NIPSNAP2: variants seen among roughly 807,000 people sequenced by gnomAD.
NIPSNAP2 encodes nipsnap homolog 2.
Under a neutral mutation model 48.4 loss-of-function variants are expected in NIPSNAP2, and 42 were observed. The ratio of observed to expected loss-of-function variants is 0.87; its 90% CI spans 0.68 to 1.12. The LOEUF is 1.12. NIPSNAP2 is among the 50% of genes most tolerant of loss of function. The pLI is 0.00. For missense variants in NIPSNAP2, 314 were observed against 347.3 expected (o/e 0.90, Z 0.76); for synonymous variants, 158 against 126.6 (o/e 1.25, Z -1.67).
In NIPSNAP2 at chr7:56,000,099, A is replaced by G. The variant is rs1365563780; in HGVS notation, c.*1027A>G. On this transcript the variant is annotated 3_prime_UTR_variant, in exon 10 of 10. Coordinates refer to ENST00000322090, the MANE Select transcript of NIPSNAP2 (RefSeq NM_001483.3). ...TATGTGTAAAGTGTGAATAAATCTC[A>G]TATCAAATGTCAAACTTTTACATGT... The G allele has an allele frequency of 6.6e-6, 1 of 152,650 alleles. No homozygotes were observed. The highest frequency in any genetic ancestry group is 6.5e-5 in the Admixed American group (1 of 15,274). The allele number at this position is 152,650 out of a possible 1,614,324, so 9.5% of individuals were successfully genotyped here. A position where few individuals can be genotyped will look rare whatever the true frequency, so the allele number is the denominator to read the frequency against.
At chr7:55,984,119 G>A (rs923114720) in intron 6 of NIPSNAP2, among the ~76,000 whole-genome samples, 6 of 144,998 alleles carry the variant, frequency 4.1e-5, no homozygotes, top group African/African-American at 1.5e-4. Flanking sequence ...TAAGAAGAAA[G>A]ACCTAAAGTG....
intron 3 of NIPSNAP2, 52 bp downstream of exon 3, chr7:55,978,447 T>C: frequency 6.8e-7 from 1 of 1,472,854 alleles, no homozygotes; most frequent in Non-Finnish European, 9.3e-7. Flanking sequence ...ACTTTATTTG[T>C]TAGTTAATTC....
At chr7:55,965,627 C>T (rs1484653385) in intron 1 of NIPSNAP2, among the ~76,000 whole-genome samples, 1 of 151,908 alleles carries the variant, frequency 6.6e-6, no homozygotes, top group Admixed American at 6.6e-5. Context: ...GTTGCCCCGG[C>T]TGAAGTGCAA....
At chr7:55,984,489 G>A (rs1359232886) in intron 6 of NIPSNAP2, among the ~76,000 whole-genome samples, 2 of 152,142 alleles carry the variant, frequency 1.3e-5, no homozygotes, top group Non-Finnish European at 2.9e-5. Context: ...AGTCAAGGCA[G>A]GTGGGTGACC....
At chr7:55,972,210 G>A (rs1787026619) in intron 1 of NIPSNAP2, among the ~76,000 whole-genome samples, 1 of 151,688 alleles carries the variant, frequency 6.6e-6, no homozygotes, top group South Asian at 2.1e-4. Context: ...GGAGGCTGAG[G>A]CAGGAGAATC....
intron 8 of NIPSNAP2, among the ~76,000 whole-genome samples, chr7:55,995,374 C>T (rs1243924362): frequency 6.6e-6 from 1 of 152,192 alleles, no homozygotes; most frequent in South Asian, 2.1e-4. Flanking sequence ...TGCACATACT[C>T]ACTGCCTGCC....
At chr7:55,985,007 A>T in intron 7 of NIPSNAP2, 129 bp downstream of exon 7, 2 of 659,818 alleles carry the variant, frequency 3.0e-6, no homozygotes, top group Non-Finnish European at 5.2e-6. Context: ...GTTTCGTTTG[A>T]TGTTTTTATT....
intron 8 of NIPSNAP2, among the ~76,000 whole-genome samples, chr7:55,996,559 G>T (rs557195056): frequency 7.9e-4 from 120 of 152,206 alleles, no homozygotes; most frequent in Non-Finnish European, 1.5e-3. Context: ...GGGCTTCACC[G>T]CTGGAACACG....
intron 3 of NIPSNAP2, chr7:55,979,784 A>G: frequency 2.2e-6 from 1 of 456,622 alleles, no homozygotes; most frequent in Non-Finnish European, 4.4e-6. Flanking sequence ...CAGAACATAA[A>G]GACTTAACTC....
intron 1 of NIPSNAP2, among the ~76,000 whole-genome samples, chr7:55,975,713 C>T (rs945029118): frequency 6.6e-6 from 1 of 152,064 alleles, no homozygotes; most frequent in African/African-American, 2.4e-5. Flanking sequence ...ATGAGGGAAA[C>T]GCTGTTTGTC....
chr7:55,983,940 A>G (rs1047175489), intron 6 of NIPSNAP2, 72 bp downstream of exon 6: 5 of 1,400,708 alleles, frequency 3.6e-6, no homozygotes, highest in East Asian at 2.3e-5. Context: ...AAGGCTGACA[A>G]CAGAACTTGT....
Position 55,999,719 on chromosome 7 carries a change from T to G in NIPSNAP2, c.*647T>G, listed in dbSNP as rs564709153. The G allele has an allele frequency of 6.6e-6, 1 of 152,456 alleles. No homozygotes were observed. The highest frequency in any genetic ancestry group is 2.4e-5 in the African/African-American group (1 of 41,600). 9.4% of individuals were successfully genotyped at this position (152,456 alleles called of 1,614,324 possible). A position where few individuals can be genotyped will look rare whatever the true frequency, so the allele number is the denominator to read the frequency against. ...CAATGTGAGACACAAAAACAATGGC[T>G]TGAAACTTGTGTATCATATGTGATT... On this transcript the variant is annotated 3_prime_UTR_variant, in exon 10 of 10. Transcript: ENST00000322090.
At chr7:55,974,262 A>G (rs1005940247) in intron 1 of NIPSNAP2, among the ~76,000 whole-genome samples, 1 of 83,024 alleles carries the variant, frequency 1.2e-5, no homozygotes, top group Admixed American at 1.2e-4. Flanking sequence ...TTTAAGCAAA[A>G]AAAAAGAAAG....
intron 1 of NIPSNAP2, among the ~76,000 whole-genome samples, chr7:55,972,181 C>T (rs899651393): frequency 4.6e-5 from 7 of 151,686 alleles, no homozygotes; most frequent in African/African-American, 1.5e-4. Flanking sequence ...TGGTGGGTGC[C>T]GCTAGTCTCA....
intron 1 of NIPSNAP2, among the ~76,000 whole-genome samples, chr7:55,971,378 C>T (rs1187585082): frequency 1.3e-5 from 2 of 152,172 alleles, no homozygotes; most frequent in Admixed American, 6.5e-5. Flanking sequence ...TTTAGTCTCA[C>T]CCCCTGCTCT....
At chr7:55,969,868 A>G (rs1003210641) in intron 1 of NIPSNAP2, among the ~76,000 whole-genome samples, 6 of 151,716 alleles carry the variant, frequency 4.0e-5, no homozygotes. Flanking sequence ...CTGTAGTCCC[A>G]GCTACTCAGG....
chr7:55,998,509 T>TTTG (rs1787616227), intron 9 of NIPSNAP2, among the ~76,000 whole-genome samples: 1 of 136,334 alleles, frequency 7.3e-6, no homozygotes, highest in Non-Finnish European at 1.6e-5. Context: ...TTTTTTTTTT[T>TTTG]TTTTTTTTTT....
At chr7:55,977,304 T>C (rs923909974) in intron 1 of NIPSNAP2, among the ~76,000 whole-genome samples, 18 of 152,054 alleles carry the variant, frequency 1.2e-4, no homozygotes, top group Non-Finnish European at 1.9e-4. Context: ...GGCAGGAGAA[T>C]CGCTTGAACC....
chr7:55,997,484 T>A (rs1350531193), intron 9 of NIPSNAP2, 35 bp downstream of exon 9: 2 of 1,489,440 alleles, frequency 1.3e-6, no homozygotes, highest in Admixed American at 3.3e-5. Flanking sequence ...ATGCTTTTTG[T>A]CTTACTGTTT....
Sources: allele counts gnomAD v4.1 joint callset (sites outside exome capture counted in the v4.1 genomes callset), GRCh38; gene constraint gnomAD v4.1.1; transcripts MANE v1.5; gene names NCBI Gene and HGNC (gene_info 2026-07-23, HGNC 2026-07-21).